SLC39A6: variants seen among roughly 807,000 people sequenced by gnomAD.
The protein encoded by SLC39A6 is solute carrier family 39 member 6, also known as zinc transporter ZIP6.
In SLC39A6, 51 loss-of-function variants were observed where a neutral mutation model predicts 63.5. That is an observed-to-expected ratio of 0.80 (90% confidence interval 0.64 to 1.01). The LOEUF is 1.01. Ranked by LOEUF, SLC39A6 falls within the 50% of genes least tolerant of loss-of-function variation. The pLI is 0.00. For missense variants in SLC39A6, 805 were observed against 927.8 expected, an observed-to-expected ratio of 0.87 and a Z score of 1.72; for synonymous variants, 318 against 324.7, an observed-to-expected ratio of 0.98 and a Z score of 0.22.
intron 5 of SLC39A6, 48 bp downstream of exon 5, chr18:36,122,004 T>C (rs2089397979): frequency 7.4e-7 from 1 of 1,353,638 alleles, no homozygotes; most frequent in Non-Finnish European, 1.0e-6. Flanking sequence ...AGTACTACTA[T>C]AAATAAATAT....
At chr18:36,116,630 C>T (rs1454443929) in intron 6 of SLC39A6, 44 bp downstream of exon 6, 2 of 1,309,510 alleles carry the variant, frequency 1.5e-6, no homozygotes, top group Non-Finnish European at 2.2e-6. Flanking sequence ...AATCATACAG[C>T]AATGAACTCC....
rs1291767590 is a variant in SLC39A6, at chr18:36,114,167, G to A, written c.1773C>T (p.Gly591=). ...RYSREELKDA[G]VATLAWMVIM... ...TCACCATCCAGGCCAGAGTGGCGACGCCGGCATCTTTCAGCTCCTCCCGAG... is the reference window on the plus strand; with the variant it reads ...TCACCATCCAGGCCAGAGTGGCGACACCGGCATCTTTCAGCTCCTCCCGAG... The change falls in exon 7 of 10, where the codon GGC becomes GGT. Residue 591 remains glycine (G), a synonymous_variant. Transcript: ENST00000269187. 2.5e-6 allele frequency: 4 copies of A among 1,614,160 alleles called. No homozygotes were observed. Among genetic ancestry groups the A allele is most frequent in the East Asian group, 2.2e-5 (1 of 44,890 alleles).
chr18:36,115,072 C>T (rs937163154), intron 6 of SLC39A6, among the ~76,000 whole-genome samples: 6 of 152,148 alleles, frequency 3.9e-5, no homozygotes, highest in African/African-American at 1.4e-4. Flanking sequence ...TTGGAACCAT[C>T]CCTGACACTG....
At chr18:36,117,591 A>AACATTTAAAATAAAAGTTATC (rs2089356596) in intron 5 of SLC39A6, among the ~76,000 whole-genome samples, 1 of 152,188 alleles carries the variant, frequency 6.6e-6, no homozygotes, top group Non-Finnish European at 1.5e-5. Context: ...ACTTATACAG[A>AACATTTAAAATAAAAGTTATC]ACATTTAAAA....
chr18:36,116,404 G>C (rs1339992721), intron 6 of SLC39A6, among the ~76,000 whole-genome samples: 1 of 151,980 alleles, frequency 6.6e-6, no homozygotes, highest in Non-Finnish European at 1.5e-5. Context: ...AAATAACTGG[G>C]GAATATGAGT....
intron 2 of SLC39A6, among the ~76,000 whole-genome samples, chr18:36,125,643 G>T (rs1168736498): frequency 6.6e-6 from 1 of 152,126 alleles, no homozygotes; most frequent in East Asian, 1.9e-4. Flanking sequence ...CTCAGCCAAG[G>T]TGAATTACGT....
At chr18:36,122,329 A>G in intron 4 of SLC39A6, 59 bp from the exon 5 acceptor site, 1 of 1,377,444 alleles carries the variant, frequency 7.3e-7, no homozygotes, top group Non-Finnish European at 1.0e-6. Context: ...CGAGTCAGAA[A>G]GTTGGCTAGG....
intron 5 of SLC39A6, among the ~76,000 whole-genome samples, chr18:36,120,862 GAT>G (rs2089387968): frequency 6.6e-6 from 1 of 152,298 alleles, no homozygotes; most frequent in African/African-American, 2.4e-5. Flanking sequence ...GCTAAAAAAA[GAT>G]ATCAAATTAC....
chr18:36,129,328 G>T lies in SLC39A6; in HGVS notation c.-224C>A, dbSNP rs7242529. 2 of 161,628 alleles carry T rather than the reference G, an allele frequency of 1.2e-5. No individual in the cohort carries two copies. The highest frequency in any genetic ancestry group is 2.7e-5 in the Non-Finnish European group (2 of 72,896). The allele number at this position is 161,628 out of a possible 1,614,324, so 10.0% of individuals were successfully genotyped here. ...CGCGCCCCTAGCCTTCGCGAAGCTG[G>T]AAGACAATCACTAATTACCGCCGCG... On this transcript the variant is annotated 5_prime_UTR_variant, in exon 1 of 10. Coordinates refer to ENST00000269187, the MANE Select transcript of SLC39A6 (RefSeq NM_012319.4).
At chr18:36,127,904 G>A (rs548965306) in intron 1 of SLC39A6, among the ~76,000 whole-genome samples, 170 of 151,014 alleles carry the variant, frequency 1.1e-3, no homozygotes, top group African/African-American at 4.0e-3. Context: ...TGACCACTAC[G>A]CCCAGCCTCA....
intron 7 of SLC39A6, 102 bp downstream of exon 7, chr18:36,113,995 T>C: frequency 2.9e-6 from 4 of 1,385,694 alleles, no homozygotes; most frequent in Non-Finnish European, 3.8e-6. Context: ...AAGTCACTAA[T>C]ATCCTCATCT....
intron 2 of SLC39A6, 123 bp from the exon 3 acceptor site, chr18:36,124,823 T>C (rs776871114): frequency 2.8e-4 from 223 of 806,800 alleles, no homozygotes; most frequent in Non-Finnish European, 3.7e-4. Context: ...TAAAATCAAC[T>C]TCTGTTTTGA....
In SLC39A6 at chr18:36,116,763, T is replaced by C. The variant is rs757696331; in HGVS notation, c.1376A>G (p.Glu459Gly). 2.7e-5 allele frequency: 44 copies of C among 1,610,950 alleles called. No individual in the cohort carries two copies. Among genetic ancestry groups the C allele is most frequent in the Non-Finnish European group, 3.3e-5 (39 of 1,177,948 alleles). Residue 459 changes from glutamate (E) to glycine (G), a missense_variant, in exon 6 of 10, where the codon GAA becomes GGA. Transcript: ENST00000269187. ...CTTAATCTCCACATCATCATCATTTTCAGGTTTCTTCTGATTCTAAAATAG... is the reference window on the plus strand; with the variant it reads ...CTTAATCTCCACATCATCATCATTTCCAGGTTTCTTCTGATTCTAAAATAG... ...DKKKKNQKKP[E>G]NDDDVEIKKQ...
intron 2 of SLC39A6, among the ~76,000 whole-genome samples, chr18:36,125,921 C>T (rs2089433249): frequency 6.6e-6 from 1 of 152,174 alleles, no homozygotes. Context: ...CCTTTATAGA[C>T]TTTCTCTAAA....
intron 5 of SLC39A6, among the ~76,000 whole-genome samples, chr18:36,117,065 C>T (rs1409169391): frequency 6.6e-6 from 1 of 152,204 alleles, no homozygotes; most frequent in Admixed American, 6.5e-5. Flanking sequence ...GGTGAAACTC[C>T]ATCTCTACTA....
At chr18:36,116,025 A>T (rs186673734) in intron 6 of SLC39A6, among the ~76,000 whole-genome samples, 39 of 152,318 alleles carry the variant, frequency 2.6e-4, no homozygotes, top group Admixed American at 1.2e-3. Context: ...CAAAAATACT[A>T]AACAAACCCA....
Position 36,111,130 on chromosome 18 carries a change from C to G in SLC39A6, c.2044G>C (p.Ala682Pro), listed in dbSNP as rs746839044. The G allele has an allele frequency of 3.1e-6, 5 of 1,614,076 alleles. No homozygotes were observed. The highest frequency in any genetic ancestry group is 4.2e-6 in the Non-Finnish European group (5 of 1,180,034). ...MATGIFIGHY[A>P]ENVSMWIFAL... is the part of the protein sequence containing the mutation. ...AATATCCACATAGAAACATTTTCAG[C>G]ATAATGACCAATGAAAATTCCTGTT... is the stretch of plus-strand genomic sequence containing the variant. Residue 682 changes from alanine to proline, a missense_variant, in exon 9 of 10, where the codon GCT (alanine) becomes CCT (proline). Coordinates refer to ENST00000269187, the MANE Select transcript of SLC39A6 (RefSeq NM_012319.4).
intron 4 of SLC39A6, 123 bp from the exon 5 acceptor site, chr18:36,122,393 T>G (rs1444033447): frequency 1.4e-6 from 1 of 720,972 alleles, no homozygotes; most frequent in Non-Finnish European, 2.4e-6. Flanking sequence ...ACTTCAGAGA[T>G]GAGGTGAAGT....
rs866883620 is a variant in SLC39A6, at chr18:36,108,866, C to T, written c.*727G>A. On this transcript the variant is annotated 3_prime_UTR_variant, in exon 10 of 10. Coordinates refer to ENST00000269187, the MANE Select transcript of SLC39A6 (RefSeq NM_012319.4). ...TCACTGTACTCATCTGGTATATACC[C>T]GCACGAACATTTTGAAATTCCAATT... The T allele has an allele frequency of 3.3e-5, 5 of 152,074 alleles. No individual in the cohort carries two copies. The highest frequency in any genetic ancestry group is 5.9e-5 in the Non-Finnish European group (4 of 67,994). The allele number at this position is 152,074 out of a possible 1,614,324, so 9.4% of individuals were successfully genotyped here.
Sources: allele counts gnomAD v4.1 joint callset (sites outside exome capture counted in the v4.1 genomes callset), GRCh38; gene constraint gnomAD v4.1.1; transcripts MANE v1.5; gene names NCBI Gene and HGNC (gene_info 2026-07-23, HGNC 2026-07-21).